The following LMF1 variants were observed in gnomAD, a reference collection of about 807,000 sequenced individuals.
LMF1 encodes the protein transmembrane protein 112.
LMF1 carries 68 observed loss-of-function variants against 60.6 expected under a neutral mutation model. The observed-to-expected ratio is 1.12, with a 90% confidence interval of 0.92 to 1.37. LMF1 has a LOEUF of 1.37. Among genes scored for constraint, LMF1 ranks in the 40% most tolerant of loss-of-function variants. The pLI is 0.00. For missense variants in LMF1, 948 were observed against 767.2 expected, an observed-to-expected ratio of 1.24 and a Z score of -2.78; for synonymous variants, 418 against 324.7, an observed-to-expected ratio of 1.29 and a Z score of -3.09.
chr16:972,956 C>G (rs114936182), upstream of LMF1, among the ~76,000 whole-genome samples: 578 of 152,256 alleles, frequency 3.8e-3, 6 homozygotes, highest in African/African-American at 0.013. Context: ...AGCAGGTCAC[C>G]GGGGGCAGGG....
chr16:975,745 C>G, upstream of LMF1: 1 of 448,004 alleles, frequency 2.2e-6, no homozygotes, highest in South Asian at 1.6e-5. Flanking sequence ...AAAATAAATA[C>G]TTGGGAGACA....
In LMF1 at chr16:964,083, G is replaced by A. The variant is rs142934209; in HGVS notation, c.193+6705C>T. On this transcript the variant is annotated intron_variant, in intron 1 of 10. Coordinates refer to ENST00000262301, the MANE Select transcript of LMF1 (RefSeq NM_022773.4). ...AACGAGGAAATACCGAGGAAATACC[G>A]TGTCGCCCGAGCAGCCAACAGCAGG... is the stretch of plus-strand genomic sequence containing the variant. 1.5e-3 allele frequency: 702 copies of A among 455,998 alleles called. 1 individual carries two copies. The highest frequency in any genetic ancestry group is 5.9e-3 in the African/African-American group (298 of 50,174). The allele number at this position is 455,998 out of a possible 1,614,324, so 28.2% of individuals were successfully genotyped here.
In LMF1 at chr16:954,405, G is replaced by C. The variant is rs1180918674; in HGVS notation, c.455C>G (p.Ala152Gly). ...ITGCANMLLMAALWGLYMSLV... is the reference protein window; with the variant it reads ...ITGCANMLLMGALWGLYMSLV... ...GGACATGTAGAGGCCCCACAGGGCA[G>C]CCATGAGAAGCATGTTGGCGCAGCC... Residue 152 changes from alanine to glycine, a missense_variant, in exon 2 of 11, where the codon GCT becomes GGT. Transcript: ENST00000262301. 1 of 1,612,930 alleles carries C rather than the reference G, an allele frequency of 6.2e-7. No homozygotes were observed. Among genetic ancestry groups the C allele is most frequent in the Non-Finnish European group, 8.5e-7 (1 of 1,179,742 alleles).
intron 6 of LMF1, among the ~76,000 whole-genome samples, chr16:876,160 G>C (rs1234805722): frequency 1.3e-5 from 2 of 152,268 alleles, no homozygotes; most frequent in East Asian, 1.9e-4. Context: ...ACCGGGGCAC[G>C]TGCGGACCAC....
intron 5 of LMF1, among the ~76,000 whole-genome samples, chr16:891,187 A>G (rs2070477533): frequency 6.6e-6 from 1 of 152,160 alleles, no homozygotes; most frequent in Non-Finnish European, 1.5e-5. Context: ...CGCCTCCCCA[A>G]GAGTTGCAAC....
rs553730849 is a variant in LMF1 at position 870,133 on chromosome 16, T to TG, written c.1233-68dup. 998 of 1,505,860 alleles carry TG rather than the reference T, an allele frequency of 6.6e-4. 3 individuals carry two copies. Among genetic ancestry groups the TG allele is most frequent in the East Asian group, 3.9e-3 (165 of 42,466 alleles). 93.3% of individuals were successfully genotyped at this position (1,505,860 alleles called of 1,614,324 possible). On this transcript the variant is annotated intron_variant, in intron 8 of 10. Coordinates refer to ENST00000262301, the MANE Select transcript of LMF1 (RefSeq NM_022773.4). ...GGCTGGGCCGAGTGGGGTGCATGGG[T>TG]GGGGGGGGTTCCCCGACTGTCCATC...
chr16:890,714 C>T (rs570089444), intron 5 of LMF1, among the ~76,000 whole-genome samples: 58 of 152,370 alleles, frequency 3.8e-4, no homozygotes, highest in African/African-American at 1.4e-3. Flanking sequence ...TTTAAGGACA[C>T]AGTCGTTGGA....
upstream of LMF1, chr16:981,341 A>AGTGTGT (rs2073364739): frequency 1.5e-5 from 4 of 274,982 alleles, no homozygotes; most frequent in African/African-American, 3.3e-5. Context: ...AGAGAGAGAG[A>AGTGTGT]GAGAGAGTGT....
rs145783804 is a variant in LMF1, at chr16:929,863, C to T, written c.514+4381G>A. Among the ~76,000 whole-genome samples, 120 of 149,506 alleles carry T rather than the reference C, an allele frequency of 8.0e-4. 2 individuals are homozygous for T. Among genetic ancestry groups the T allele is most frequent in the African/African-American group, 2.8e-3 (115 of 40,856 alleles). ...ACGTCCGTCTGTGAACGGGGGCGCA[C>T]GGCCCTGGGACACAGAGCCCAGGAC... On this transcript the variant is annotated intron_variant, in intron 3 of 10. Coordinates refer to ENST00000262301, the MANE Select transcript of LMF1 (RefSeq NM_022773.4).
chr16:909,543 C>T (rs752733165), intron 4 of LMF1, among the ~76,000 whole-genome samples: 1 of 152,138 alleles, frequency 6.6e-6, no homozygotes, highest in Non-Finnish European at 1.5e-5. Flanking sequence ...CCAAGCCACG[C>T]TATGCAGAAC....
At chr16:929,840 G>A (rs974198200) in intron 3 of LMF1, among the ~76,000 whole-genome samples, 3 of 152,260 alleles carry the variant, frequency 2.0e-5, no homozygotes, top group African/African-American at 4.8e-5. Flanking sequence ...CAGCAGTCAC[G>A]TCCGTCTGTG....
chr16:981,299 TGTGTGAGAGAGAGA>T (rs768666894), upstream of LMF1: 644 of 377,952 alleles, frequency 1.7e-3, no homozygotes, highest in East Asian at 3.2e-3. Context: ...TGTGTGTGTG[TGTGTGAGAGAGAGA>T]GAGAGAGAGA....
intron 4 of LMF1, among the ~76,000 whole-genome samples, chr16:895,438 C>T (rs57581492): frequency 1.3e-5 from 2 of 152,026 alleles, no homozygotes; most frequent in Non-Finnish European, 2.9e-5. Flanking sequence ...CAACCACACA[C>T]GGGAGGGCCT....
chr16:911,849 C>T (rs1045904873), intron 3 of LMF1, among the ~76,000 whole-genome samples: 5 of 152,106 alleles, frequency 3.3e-5, no homozygotes, highest in Non-Finnish European at 7.4e-5. Flanking sequence ...CACCGGTCAG[C>T]CCCTCGCAGT....
In LMF1 at chr16:909,850, G is replaced by A. The variant is rs146064578; in HGVS notation, c.663+1081C>T. ...GGAGAGAAGAGGAACGTTCCGGACT[G>A]AAGGAGTGGCCGAGACGGCGGCACA... On this transcript the variant is annotated intron_variant, in intron 4 of 10. Transcript: ENST00000262301. 1.4e-4 allele frequency among the ~76,000 whole-genome samples: 22 copies of A among 152,384 alleles called. No individual in the cohort carries two copies. The East Asian group carries it at 4.1e-3, about 28-fold the overall frequency.
chr16:859,877 T>G (rs1308347640), intron 10 of LMF1, among the ~76,000 whole-genome samples: 3 of 114,766 alleles, frequency 2.6e-5, no homozygotes, highest in African/African-American at 1.2e-4. Flanking sequence ...TGTCTCGGGA[T>G]GGGTGTGAGT....
rs527627503 is a variant in LMF1 at position 939,164 on chromosome 16, G to A, written c.504-4910C>T. 2.0e-5 allele frequency among the ~76,000 whole-genome samples: 3 copies of A among 152,308 alleles called. No individual in the cohort carries two copies. The South Asian group carries it at 6.2e-4, about 32-fold the overall frequency. ...GAAAAATAACTTGGCAGAGAAATGC[G>A]TATTTAAATAACATTATTTTCACTT... On this transcript the variant is annotated intron_variant, in intron 2 of 10. Coordinates refer to ENST00000262301, the MANE Select transcript of LMF1 (RefSeq NM_022773.4).
intron 2 of LMF1, among the ~76,000 whole-genome samples, chr16:944,020 G>GA (rs764020299): frequency 2.0e-5 from 3 of 152,210 alleles, no homozygotes; most frequent in Non-Finnish European, 4.4e-5. Context: ...TGAGCTACTG[G>GA]AGGATGAACT....
At chr16:942,260 G>C (rs2072119250) in intron 2 of LMF1, among the ~76,000 whole-genome samples, 1 of 152,220 alleles carries the variant, frequency 6.6e-6, no homozygotes, top group East Asian at 1.9e-4. Flanking sequence ...GTGGTTATAA[G>C]AAGCCAGACA....
Sources: allele counts gnomAD v4.1 joint callset (sites outside exome capture counted in the v4.1 genomes callset), GRCh38; gene constraint gnomAD v4.1.1; transcripts MANE v1.5; gene names NCBI Gene and HGNC (gene_info 2026-07-23, HGNC 2026-07-21).